Variants in SLC25A21 observed in about 807,000 individuals in gnomAD.
SLC25A21 encodes mitochondrial 2-oxodicarboxylate carrier.
In SLC25A21, 47 loss-of-function variants were observed where a neutral mutation model predicts 43.8. That is an observed-to-expected ratio of 1.07 (90% CI 0.85 to 1.37). SLC25A21 has a LOEUF of 1.37. Among genes scored for constraint, SLC25A21 ranks in the 40% most tolerant of loss-of-function variants. The probability of loss-of-function intolerance (pLI) is 0.00; values close to 1 mark genes in which losing one functional copy is unlikely to be tolerated. For missense variants in SLC25A21, 352 were observed against 350.2 expected, an observed-to-expected ratio of 1.00 and a Z score of -0.04; for synonymous variants, 131 against 121.3, an observed-to-expected ratio of 1.08 and a Z score of -0.52.
chr14:36,773,447 G>A (rs1886701636), intron 3 of SLC25A21, among the ~76,000 whole-genome samples: 1 of 152,206 alleles, frequency 6.6e-6, no homozygotes, highest in Non-Finnish European at 1.5e-5. Context: ...GATTTCTTTG[G>A]TCTCAGAGAG....
intron 1 of SLC25A21, among the ~76,000 whole-genome samples, chr14:37,123,160 A>C (rs546551056): frequency 1.3e-5 from 2 of 152,330 alleles, no homozygotes; most frequent in Admixed American, 6.5e-5. Flanking sequence ...AAATACTTCA[A>C]GGTTATTGCT....
intron 1 of SLC25A21, among the ~76,000 whole-genome samples, chr14:36,881,805 A>G (rs1189657817): frequency 1.3e-5 from 2 of 152,158 alleles, no homozygotes; most frequent in East Asian, 3.9e-4. Context: ...AATGGGCTTT[A>G]GTAACCGTTT....
chr14:36,875,475 T>C (rs1292267785), intron 1 of SLC25A21, among the ~76,000 whole-genome samples: 3 of 152,172 alleles, frequency 2.0e-5, no homozygotes, highest in Non-Finnish European at 4.4e-5. Context: ...ATGATGCCTC[T>C]TCTCTCCCAA....
intron 3 of SLC25A21, among the ~76,000 whole-genome samples, chr14:36,771,362 A>AT (rs75723090): frequency 0.17 from 26,023 of 151,710 alleles, 2,691 homozygotes; most frequent in East Asian, 0.39. Context: ...CCAAGAATAG[A>AT]TTTTTTTTTG....
chr14:36,847,459 T>TGCAA (rs1446814003), intron 2 of SLC25A21, among the ~76,000 whole-genome samples: 2 of 152,222 alleles, frequency 1.3e-5, no homozygotes, highest in Non-Finnish European at 2.9e-5. Context: ...TTCCTGCCTT[T>TGCAA]GCAAGCTACA....
chr14:36,936,111 A>T (rs1281957848), intron 1 of SLC25A21, among the ~76,000 whole-genome samples: 2 of 152,158 alleles, frequency 1.3e-5, no homozygotes, highest in Non-Finnish European at 2.9e-5. Context: ...TTGAGACAGC[A>T]CCGTGAAGGG....
chr14:36,708,268 T>C (rs939423525), intron 7 of SLC25A21, among the ~76,000 whole-genome samples: 1 of 152,210 alleles, frequency 6.6e-6, no homozygotes, highest in East Asian at 1.9e-4. Flanking sequence ...GAACAAAATG[T>C]ATCTTTTATT....
At chr14:36,762,455 G>A (rs1433202984) in intron 3 of SLC25A21, among the ~76,000 whole-genome samples, 2 of 152,196 alleles carry the variant, frequency 1.3e-5, no homozygotes, top group Non-Finnish European at 2.9e-5. Flanking sequence ...GGGAACGGCA[G>A]CCATGAGATC....
At chr14:36,996,834 A>G (rs1355274603) in intron 1 of SLC25A21, among the ~76,000 whole-genome samples, 1 of 152,318 alleles carries the variant, frequency 6.6e-6, no homozygotes, top group East Asian at 1.9e-4. Flanking sequence ...GGTGACAAAT[A>G]TGTACAGAGT....
intron 2 of SLC25A21, among the ~76,000 whole-genome samples, chr14:36,867,469 G>C (rs1376995020): frequency 6.6e-6 from 1 of 152,122 alleles, no homozygotes; most frequent in Non-Finnish European, 1.5e-5. Flanking sequence ...TGCTAGCTCT[G>C]GAGGATACCG....
At chr14:37,040,127 G>C (rs970481620) in intron 1 of SLC25A21, among the ~76,000 whole-genome samples, 2 of 150,646 alleles carry the variant, frequency 1.3e-5, no homozygotes, top group Non-Finnish European at 2.9e-5. Context: ...TGGACCCCAG[G>C]AGGTGGAAGT....
chr14:36,890,902 G>T lies in SLC25A21; in HGVS notation c.71-15898C>A, dbSNP rs531572310. ...ATATACCTAATAGTCAATGCATGTC[G>T]TAAAGAAATGCAAAAAATTTGAAAC... On this transcript the variant is annotated intron_variant, in intron 1 of 9. Transcript: ENST00000331299. Among the ~76,000 whole-genome samples the T allele has an allele frequency of 1.1e-3, 174 of 152,206 alleles. 1 individual carries two copies. The highest frequency in any genetic ancestry group is 2.9e-3 in the South Asian group (14 of 4,824).
chr14:36,780,432 A>G (rs1887012135), intron 3 of SLC25A21, among the ~76,000 whole-genome samples: 1 of 151,816 alleles, frequency 6.6e-6, no homozygotes, highest in East Asian at 1.9e-4. Context: ...AATTTGTTTA[A>G]TTGAGATATT....
intron 1 of SLC25A21, among the ~76,000 whole-genome samples, chr14:36,908,889 A>G (rs1566730392): frequency 2.0e-5 from 3 of 152,194 alleles, no homozygotes; most frequent in African/African-American, 7.2e-5. Flanking sequence ...GGTAACTAGC[A>G]TAATTGATTT....
In SLC25A21 at chr14:36,680,015, C is replaced by A. The variant is rs1355312567; in HGVS notation, c.*643G>T. 23 of 853,960 alleles carry A rather than the reference C, an allele frequency of 2.7e-5. No homozygotes were observed. The highest frequency in any genetic ancestry group is 3.2e-5 in the Non-Finnish European group (23 of 711,584). The allele number at this position is 853,960 out of a possible 1,614,324, so 52.9% of individuals were successfully genotyped here. ...AAAATACCTATTTATTATCTTACAG[C>A]AATATGAGATATAAAGTAGATGTAG... On this transcript the variant is annotated 3_prime_UTR_variant, in exon 10 of 10. Coordinates refer to ENST00000331299, the MANE Select transcript of SLC25A21 (RefSeq NM_030631.4).
intron 2 of SLC25A21, among the ~76,000 whole-genome samples, chr14:36,856,282 G>C (rs17105539): frequency 0.12 from 17,562 of 152,104 alleles, 2,109 homozygotes; most frequent in African/African-American, 0.31. Context: ...CAGGAACTGC[G>C]GGCTTTGTTT....
chr14:36,997,077 C>T (rs960225214), intron 1 of SLC25A21, among the ~76,000 whole-genome samples: 2 of 151,412 alleles, frequency 1.3e-5, no homozygotes, highest in African/African-American at 2.4e-5. Context: ...AGGACAAGAA[C>T]CAAAGAAAAG....
chr14:36,679,313 CT>C lies in SLC25A21; in HGVS notation c.*1344del. 1 of 973,594 alleles carries C rather than the reference CT, an allele frequency of 1.0e-6. No individual in the cohort carries two copies. The highest frequency in any genetic ancestry group is 1.8e-5 in the African/African-American group (1 of 57,004). The allele number at this position is 973,594 out of a possible 1,614,324, so 60.3% of individuals were successfully genotyped here. A position where few individuals can be genotyped will look rare whatever the true frequency, so the allele number is the denominator to read the frequency against. On this transcript the variant is annotated 3_prime_UTR_variant, in exon 10 of 10. Coordinates refer to ENST00000331299, the MANE Select transcript of SLC25A21 (RefSeq NM_030631.4). ...TATGTATATACAGTATGTCAAAAGC[CT>C]TTTATTTTTATACTTCAAATGCTCT...
intron 4 of SLC25A21, among the ~76,000 whole-genome samples, chr14:36,733,267 C>G (rs1884903526): frequency 6.6e-6 from 1 of 152,138 alleles, no homozygotes; most frequent in Non-Finnish European, 1.5e-5. Flanking sequence ...CTTGGGCAAT[C>G]TTTTATCAAG....
Sources: allele counts gnomAD v4.1 joint callset (sites outside exome capture counted in the v4.1 genomes callset), GRCh38; gene constraint gnomAD v4.1.1; transcripts MANE v1.5; gene names NCBI Gene and HGNC (gene_info 2026-07-23, HGNC 2026-07-21).